AKAP10: variants seen among roughly 807,000 people sequenced by gnomAD.
The protein encoded by AKAP10 is A-kinase anchoring protein 10.
AKAP10 carries 24 observed loss-of-function variants against 80.8 expected under a neutral mutation model. The ratio of observed to expected loss-of-function variants is 0.30; its 90% CI spans 0.22 to 0.42. The LOEUF is 0.42. Among genes scored for constraint, AKAP10 ranks in the 10% least tolerant of loss-of-function variants. The pLI is 1.00. For synonymous variants in AKAP10, 291 were observed against 277.7 expected, an observed-to-expected ratio of 1.05 and a Z score of -0.48; for missense variants, 661 against 794.9, an observed-to-expected ratio of 0.83 and a Z score of 2.03.
In AKAP10 at chr17:19,957,987, G is replaced by A. The variant is rs750870161; in HGVS notation, c.877+27C>T. The stretch of plus-strand genomic sequence containing the variant: ...TAAAAAAAGAAAGTGAGACACATAT[G>A]TACACACAAGAAAATCACATACTCA... On this transcript the variant is annotated intron_variant, in intron 4 of 14. Coordinates refer to ENST00000225737, the MANE Select transcript of AKAP10 (RefSeq NM_007202.4). 9 of 1,579,288 alleles carry A rather than the reference G, an allele frequency of 5.7e-6. No individual in the cohort carries two copies. In the South Asian group the frequency reaches 5.8e-5, roughly 10 times the overall value.
chr17:19,969,312 T>A (rs995260581), intron 1 of AKAP10, among the ~76,000 whole-genome samples: 2 of 152,142 alleles, frequency 1.3e-5, no homozygotes, highest in African/African-American at 4.8e-5. Flanking sequence ...GACACTGTAC[T>A]CCAGCCTGGG....
intron 9 of AKAP10, among the ~76,000 whole-genome samples, chr17:19,932,433 C>G (rs2152413139): frequency 7.1e-6 from 1 of 140,746 alleles, no homozygotes; most frequent in African/African-American, 2.7e-5. Flanking sequence ...AGCCTGGACG[C>G]TGGAGCAAGA....
At chr17:19,976,353 C>T (rs2043566463) in intron 1 of AKAP10, among the ~76,000 whole-genome samples, 1 of 151,678 alleles carries the variant, frequency 6.6e-6, no homozygotes, top group Non-Finnish European at 1.5e-5. Flanking sequence ...CATGGTGGGG[C>T]ATGGGTAATC....
intron 9 of AKAP10, among the ~76,000 whole-genome samples, chr17:19,934,429 C>T (rs552007511): frequency 3.9e-5 from 6 of 152,258 alleles, no homozygotes; most frequent in Non-Finnish European, 7.3e-5. Context: ...CTCACTGCAG[C>T]CTTTAATTCC....
At chr17:19,963,409 C>G (rs905916957) in intron 2 of AKAP10, among the ~76,000 whole-genome samples, 1 of 151,946 alleles carries the variant, frequency 6.6e-6, no homozygotes, top group East Asian at 1.9e-4. Context: ...ATTTATAATT[C>G]TCAAAATACT....
At chr17:19,929,544 T>C (rs1056881318) in intron 10 of AKAP10, 15 of 152,150 alleles carry the variant, frequency 9.9e-5, no homozygotes, top group African/African-American at 3.6e-4. Flanking sequence ...CTGGGTCACA[T>C]GGGTTAGTTC....
At chr17:19,951,279 G>T (rs1385571937) in intron 4 of AKAP10, among the ~76,000 whole-genome samples, 2 of 149,400 alleles carry the variant, frequency 1.3e-5, no homozygotes, top group African/African-American at 4.9e-5. Context: ...GAGGGAGGTG[G>T]GGGGCGCCTC....
At chr17:19,948,874 G>GA (rs773114854) in intron 4 of AKAP10, among the ~76,000 whole-genome samples, 12 of 152,178 alleles carry the variant, frequency 7.9e-5, no homozygotes, top group Non-Finnish European at 1.8e-4. Context: ...AAACTGAACT[G>GA]ATGATGGAAC....
intron 2 of AKAP10, among the ~76,000 whole-genome samples, chr17:19,965,512 C>T (rs1196561514): frequency 6.6e-6 from 1 of 152,196 alleles, no homozygotes; most frequent in Non-Finnish European, 1.5e-5. Flanking sequence ...GCCTTCTATA[C>T]CTTCATCTCA....
intron 5 of AKAP10, among the ~76,000 whole-genome samples, chr17:19,943,875 T>G (rs1310236022): frequency 1.3e-5 from 2 of 152,166 alleles, no homozygotes; most frequent in Admixed American, 1.3e-4. Flanking sequence ...GGACACCCAG[T>G]TGGTGTTCAC....
chr17:19,953,260 G>T (rs1445835749), intron 4 of AKAP10, among the ~76,000 whole-genome samples: 2 of 151,896 alleles, frequency 1.3e-5, no homozygotes, highest in Non-Finnish European at 2.9e-5. Context: ...TAAAGCAGTG[G>T]TTAGAAGGAA....
At chr17:19,953,108 T>G (rs1392656865) in intron 4 of AKAP10, among the ~76,000 whole-genome samples, 1 of 151,584 alleles carries the variant, frequency 6.6e-6, no homozygotes, top group African/African-American at 2.4e-5. Flanking sequence ...GGTAGAAAAA[T>G]AACAGGAAAA....
intron 1 of AKAP10, among the ~76,000 whole-genome samples, chr17:19,972,466 G>GT (rs957261890): frequency 2.4e-4 from 37 of 151,908 alleles, no homozygotes; most frequent in Middle Eastern, 3.4e-3. Flanking sequence ...GTTTTGTTTT[G>GT]TTTTTTTGAG....
At chr17:19,908,672 G>A (rs928060126) in intron 14 of AKAP10, among the ~76,000 whole-genome samples, 2 of 151,702 alleles carry the variant, frequency 1.3e-5, no homozygotes, top group East Asian at 1.9e-4. Flanking sequence ...ATGGGGTTTC[G>A]CTCGTCGCCC....
chr17:19,908,498 G>A (rs1444444225), intron 14 of AKAP10, among the ~76,000 whole-genome samples: 17 of 152,080 alleles, frequency 1.1e-4, no homozygotes, highest in African/African-American at 2.4e-5. Flanking sequence ...GGACACATGC[G>A]TTTTCACCCC....
chr17:19,915,599 G>A (rs1204507480), intron 12 of AKAP10, among the ~76,000 whole-genome samples: 1 of 152,184 alleles, frequency 6.6e-6, no homozygotes, highest in African/African-American at 2.4e-5. Flanking sequence ...TAACCAAACT[G>A]CAGAAATTCC....
chr17:19,909,413 A>G (rs1202371233), intron 13 of AKAP10, 137 bp from the exon 14 acceptor site: 27 of 764,900 alleles, frequency 3.5e-5, no homozygotes, highest in Admixed American at 1.0e-4. Flanking sequence ...CCATGTACGA[A>G]AAAACCTGGG....
At position 19,926,144 on chromosome 17, in the gene AKAP10, A is replaced by G. The variant is rs981511295; in HGVS notation, c.1642-1627T>C. ...ACCATGACCAAGTGAGATTCATCTC[A>G]GGTATGCAAGGTTGGTTTAACATCT... On this transcript the variant is annotated intron_variant, in intron 10 of 14. Coordinates refer to ENST00000225737, the MANE Select transcript of AKAP10 (RefSeq NM_007202.4). Among the ~76,000 whole-genome samples, 12 of 152,320 alleles carry G rather than the reference A, an allele frequency of 7.9e-5. No individual in the cohort carries two copies. The South Asian group carries it at 1.2e-3, about 16-fold the overall frequency.
At chr17:19,962,295 TACACACAC>T (rs36115670) in intron 3 of AKAP10, among the ~76,000 whole-genome samples, 11 of 125,054 alleles carry the variant, frequency 8.8e-5, no homozygotes, top group South Asian at 2.5e-4. Context: ...TACATACATA[TACACACAC>T]ACACACACAC....
Sources: allele counts gnomAD v4.1 joint callset (sites outside exome capture counted in the v4.1 genomes callset), GRCh38; gene constraint gnomAD v4.1.1; transcripts MANE v1.5; gene names NCBI Gene and HGNC (gene_info 2026-07-23, HGNC 2026-07-21).